WWC1: variants seen among roughly 807,000 people sequenced by gnomAD.
The protein encoded by WWC1 is protein KIBRA.
A neutral mutation model predicts 138.4 loss-of-function variants in WWC1; 55 were observed. The ratio of observed to expected loss-of-function variants is 0.40; its 90% CI spans 0.32 to 0.50. The LOEUF (loss-of-function observed/expected upper bound fraction) is 0.50, where lower values mean the gene tolerates loss of function less well. Ranked by LOEUF, WWC1 falls within the 20% of genes least tolerant of loss-of-function variation. WWC1 has a pLI of 0.72. For missense variants in WWC1, 1,226 were observed against 1,420.4 expected, an observed-to-expected ratio of 0.86 and a Z score of 2.20; for synonymous variants, 524 against 564.9, an observed-to-expected ratio of 0.93 and a Z score of 1.03.
intron 2 of WWC1, among the ~76,000 whole-genome samples, chr5:168,374,549 CATA>C (rs1181023197): frequency 6.6e-6 from 1 of 152,140 alleles, no homozygotes; most frequent in Non-Finnish European, 1.5e-5. Flanking sequence ...GTGCATATAA[CATA>C]ATGAGTGAGG....
At position 168,423,748 on chromosome 5, in the gene WWC1, G is replaced by A. The variant is rs763165879; in HGVS notation, c.1490G>A (p.Cys497Tyr). The change falls in exon 11 of 23, where the codon TGC becomes TAC. Residue 497 changes from cysteine (C) to tyrosine (Y), a missense_variant. Coordinates refer to ENST00000265293, the MANE Select transcript of WWC1 (RefSeq NM_015238.3). ...EGATGFRPSG[C>Y]ITTIHEDEVA... ...GCCACCGGCTTCCGGCCCTCAGGCT[G>A]CATCACCACCATCCACGAGGATGAG... 2.4e-4 allele frequency: 395 copies of A among 1,613,810 alleles called. No homozygotes were observed. Among genetic ancestry groups the A allele is most frequent in the Non-Finnish European group, 3.2e-4 (383 of 1,179,900 alleles).
At chr5:168,354,398 G>T (rs568351416) in intron 1 of WWC1, among the ~76,000 whole-genome samples, 67 of 152,264 alleles carry the variant, frequency 4.4e-4, no homozygotes, top group African/African-American at 1.5e-3. Context: ...CACTGGAATA[G>T]AATTAAATCA....
chr5:168,338,127 G>A (rs879798919), intron 1 of WWC1, among the ~76,000 whole-genome samples: 18 of 151,824 alleles, frequency 1.2e-4, no homozygotes, highest in Admixed American at 2.6e-4. Flanking sequence ...TCTGGCCAAC[G>A]TGGCAAAACC....
At position 168,432,746 on chromosome 5, in the gene WWC1, TAAACA is replaced by T. The variant is rs1348107021; in HGVS notation, c.2280+1305_2280+1309del. On this transcript the variant is annotated intron_variant, in intron 15 of 22. Transcript: ENST00000265293. ...GGTGCCAGCATTGATGGCTAAGATG[TAAACA>T]AACTGTGAGGAGGGCCGTGTTGGAA... Among the ~76,000 whole-genome samples, 3 of 152,160 alleles carry T rather than the reference TAAACA, an allele frequency of 2.0e-5. No individual in the cohort carries two copies. The East Asian group carries it at 5.8e-4, about 29-fold the overall frequency.
chr5:168,431,444 G>A lies in WWC1; in HGVS notation c.2280G>A (p.Leu760=), dbSNP rs764027485. The A allele has an allele frequency of 4.4e-6, 7 of 1,603,614 alleles. No individual in the cohort carries two copies. The highest frequency in any genetic ancestry group is 4.2e-6 in the Non-Finnish European group (5 of 1,177,844). The change falls in exon 15 of 23, where the codon CTG becomes CTA. Residue 760 remains leucine (L), a splice_region_variant and synonymous_variant. Coordinates refer to ENST00000265293, the MANE Select transcript of WWC1 (RefSeq NM_015238.3). ...ACAGGAGCCATCTGGAAGAGTGCCT[G>A]GTAAGGGCCGTGTCTGGCTGGCTGG... ...TTDRSHLEEC[L]GGAQISLAEV...
At chr5:168,453,936 G>C in intron 17 of WWC1, 32 bp from the exon 18 acceptor site, 1 of 1,610,992 alleles carries the variant, frequency 6.2e-7, no homozygotes. Flanking sequence ...AGCGGCTTCT[G>C]GGTGGGTAAC....
At position 168,292,354 on chromosome 5, in the gene WWC1, G is replaced by A; in HGVS notation, c.119+83G>A. On this transcript the variant is annotated intron_variant, in intron 1 of 22. Transcript: ENST00000265293. This position sits in a 1 kb window ranked among gnomAD's most constrained non-coding sequence, Gnocchi z 4.4. Reference sequence around the variant, plus strand: ...CCCTGGAGCCGCCGGCCGGGACTGGGAGGGGGCAGGGGAGCTCTGCGTGCC... The same window carrying A: ...CCCTGGAGCCGCCGGCCGGGACTGGAAGGGGGCAGGGGAGCTCTGCGTGCC... 8 of 1,493,286 alleles carry A rather than the reference G, an allele frequency of 5.4e-6. No homozygotes were observed. The South Asian group carries it at 7.4e-5, about 14-fold the overall frequency. The allele number at this position is 1,493,286 out of a possible 1,614,324, so 92.5% of individuals were successfully genotyped here. A position where few individuals can be genotyped will look rare whatever the true frequency, so the allele number is the denominator to read the frequency against.
At chr5:168,463,318 G>C (rs1756980600) in intron 20 of WWC1, among the ~76,000 whole-genome samples, 1 of 152,196 alleles carries the variant, frequency 6.6e-6, no homozygotes. Flanking sequence ...ACTGCCTCCA[G>C]ATGTTGGCAG....
chr5:168,367,728 A>C (rs1776422549), intron 1 of WWC1, among the ~76,000 whole-genome samples: 1 of 152,026 alleles, frequency 6.6e-6, no homozygotes, highest in African/African-American at 2.4e-5. Flanking sequence ...ATGTTTTCTT[A>C]TTTGCAAAAC....
chr5:168,378,713 T>C (rs1777408030), intron 2 of WWC1, among the ~76,000 whole-genome samples: 1 of 152,226 alleles, frequency 6.6e-6, no homozygotes, highest in African/African-American at 2.4e-5. Flanking sequence ...GGGTACTGTT[T>C]TCCTCAGACC....
At chr5:168,461,566 G>A (rs1275071542) in intron 20 of WWC1, among the ~76,000 whole-genome samples, 2 of 152,166 alleles carry the variant, frequency 1.3e-5, no homozygotes, top group African/African-American at 4.8e-5. Flanking sequence ...CGGAAGTCTC[G>A]CCTTTCCTAG....
chr5:168,330,417 A>G (rs188140513), intron 1 of WWC1, among the ~76,000 whole-genome samples: 1 of 152,280 alleles, frequency 6.6e-6, no homozygotes, highest in Non-Finnish European at 1.5e-5. Flanking sequence ...TCTGAGACTC[A>G]GTTTTCTTCT....
intron 19 of WWC1, among the ~76,000 whole-genome samples, chr5:168,458,671 T>C (rs1464976754): frequency 6.6e-6 from 1 of 152,156 alleles, no homozygotes; most frequent in East Asian, 1.9e-4. Context: ...TGAACTAGCT[T>C]CCTGTGATTC....
At chr5:168,293,965 ACCTTTTCTCTTGT>A (rs545439016) in intron 1 of WWC1, among the ~76,000 whole-genome samples, 194 of 152,236 alleles carry the variant, frequency 1.3e-3, no homozygotes, top group African/African-American at 4.6e-3. Flanking sequence ...ACTTGGCAGC[ACCTTTTCTCTTGT>A]CCTTTTCTCA....
chr5:168,431,482 CTGG>C (rs1561757403), intron 15 of WWC1, 38 bp downstream of exon 15: 3 of 1,544,512 alleles, frequency 1.9e-6, no homozygotes, highest in East Asian at 2.3e-5. Flanking sequence ...GGCTGGCTGG[CTGG>C]CTGGCTGGCT....
At chr5:168,385,146 C>A in intron 2 of WWC1, 65 bp from the exon 3 acceptor site, 3 of 1,572,010 alleles carry the variant, frequency 1.9e-6, no homozygotes, top group South Asian at 1.2e-5. Context: ...TAGTGGATAC[C>A]ACAGGCCACC....
At chr5:168,432,484 C>T (rs1044243362) in intron 15 of WWC1, among the ~76,000 whole-genome samples, 3 of 152,194 alleles carry the variant, frequency 2.0e-5, no homozygotes, top group Admixed American at 1.3e-4. Context: ...TATATAATAG[C>T]TAACTCGGGC....
chr5:168,391,321 G>A (rs1778471448), intron 3 of WWC1, among the ~76,000 whole-genome samples: 1 of 152,112 alleles, frequency 6.6e-6, no homozygotes, highest in Non-Finnish European at 1.5e-5. Context: ...GATCGCTTGA[G>A]CCCAGGAGTC....
chr5:168,427,026 CT>C (rs1357294566), intron 11 of WWC1, among the ~76,000 whole-genome samples: 1 of 152,158 alleles, frequency 6.6e-6, no homozygotes, highest in Non-Finnish European at 1.5e-5. Flanking sequence ...TCAAGGGCCC[CT>C]GTTAAGGTTA....
Sources: allele counts gnomAD v4.1 joint callset (sites outside exome capture counted in the v4.1 genomes callset), GRCh38; gene constraint gnomAD v4.1.1; non-coding constraint Gnocchi (gnomAD v3.1); transcripts MANE v1.5; gene names NCBI Gene and HGNC (gene_info 2026-07-23, HGNC 2026-07-21).